AQP11: variants seen among roughly 807,000 people sequenced by gnomAD.
AQP11 encodes aquaporin 11, also known as aquaporin-11.
AQP11 carries 20 observed loss-of-function variants against 21.1 expected under a neutral mutation model. The observed-to-expected ratio is 0.95, with a 90% confidence interval of 0.67 to 1.38. AQP11 has a LOEUF of 1.38. Ranked by LOEUF, AQP11 falls within the 40% of genes most tolerant of loss-of-function variation. The pLI is 0.00. For missense variants in AQP11, 339 were observed against 340.4 expected (o/e 1.00, Z 0.03); for synonymous variants, 167 against 150.1 (o/e 1.11, Z -0.82).
chr11:77,609,217 G>A (rs1054017525), intron 2 of AQP11, 81 bp from the exon 3 acceptor site: 6 of 1,034,468 alleles, frequency 5.8e-6, no homozygotes, highest in African/African-American at 1.6e-5. Context: ...GTATATAATT[G>A]TAATTTTAAA....
At chr11:77,597,848 G>C (rs1958792646) in intron 1 of AQP11, among the ~76,000 whole-genome samples, 2 of 151,928 alleles carry the variant, frequency 1.3e-5, no homozygotes, top group Non-Finnish European at 2.9e-5. Context: ...CCGACCCCCA[G>C]GTTCAAGCGA....
chr11:77,597,287 A>AT (rs527395645), intron 1 of AQP11, among the ~76,000 whole-genome samples: 520 of 152,268 alleles, frequency 3.4e-3, no homozygotes, highest in African/African-American at 0.012. Flanking sequence ...TAATTTGAAA[A>AT]CAGGCCAGGC....
intron 2 of AQP11, among the ~76,000 whole-genome samples, chr11:77,604,609 C>A (rs1426846407): frequency 2.0e-5 from 3 of 151,970 alleles, no homozygotes; most frequent in African/African-American, 4.8e-5. Flanking sequence ...TTCTTTAAAA[C>A]ACACACACAC....
chr11:77,609,263 A>T (rs1406771540), intron 2 of AQP11, 35 bp from the exon 3 acceptor site: 2 of 1,544,938 alleles, frequency 1.3e-6, no homozygotes, highest in Non-Finnish European at 1.8e-6. Flanking sequence ...CTCCTTAAAG[A>T]TTGTTTTTTT....
At position 77,590,409 on chromosome 11, in the gene AQP11, G is replaced by A; in HGVS notation, c.417G>A (p.Trp139Ter). 6.2e-7 allele frequency: 1 copy of A among 1,614,020 alleles called. No individual in the cohort carries two copies. Among genetic ancestry groups the A allele is most frequent in the Non-Finnish European group, 8.5e-7 (1 of 1,180,018 alleles). Residue 139 changes from tryptophan (W) to a stop codon, truncating the protein, a stop_gained, in exon 1 of 3, where the codon TGG (tryptophan) becomes TGA (stop). Coordinates refer to ENST00000313578, the MANE Select transcript of AQP11 (RefSeq NM_173039.3). LOFTEE classifies it high-confidence loss of function. The part of the protein sequence containing the change: ...LCSRYCTSAL[W>*]SLGLTQYHVS... ...GCAGGTACTGCACAAGCGCCTTGTG[G>A]AGCTTGGGTCTGACCCAGTATCACG...
At chr11:77,591,546 T>G (rs568900151) in intron 1 of AQP11, among the ~76,000 whole-genome samples, 3 of 152,312 alleles carry the variant, frequency 2.0e-5, no homozygotes, top group Non-Finnish European at 4.4e-5. Flanking sequence ...TAAGGACTCC[T>G]AAACACGTAC....
intron 1 of AQP11, among the ~76,000 whole-genome samples, chr11:77,595,992 T>C (rs1590782878): frequency 6.6e-6 from 1 of 151,980 alleles, no homozygotes; most frequent in East Asian, 1.9e-4. Context: ...TCTTTTTAAA[T>C]AGGAGCTATT....
At chr11:77,604,784 T>C (rs894628018) in intron 2 of AQP11, among the ~76,000 whole-genome samples, 1 of 152,222 alleles carries the variant, frequency 6.6e-6, no homozygotes, top group African/African-American at 2.4e-5. Flanking sequence ...ATAATATCTA[T>C]AGGCCTAAAC....
chr11:77,602,331 T>C (rs1958820085), intron 1 of AQP11, among the ~76,000 whole-genome samples: 1 of 152,216 alleles, frequency 6.6e-6, no homozygotes, highest in East Asian at 1.9e-4. Flanking sequence ...ATATTGTAAA[T>C]GTCTGTGTGA....
rs1348988027 is a variant in AQP11 at position 77,610,032 on chromosome 11, T to A, written c.*655T>A. The A allele has an allele frequency of 1.3e-5, 2 of 152,174 alleles. No homozygotes were observed. Among genetic ancestry groups the A allele is most frequent in the Non-Finnish European group, 1.5e-5 (1 of 68,026 alleles). 9.4% of individuals were successfully genotyped at this position (152,174 alleles called of 1,614,324 possible). On this transcript the variant is annotated 3_prime_UTR_variant, in exon 3 of 3. Transcript: ENST00000313578. ...AGAATATAATAAAACAAAACACCCA[T>A]ACAAAGTCAGGATTTAAGCTTTTCA...
At chr11:77,606,053 A>G (rs1958844224) in intron 2 of AQP11, among the ~76,000 whole-genome samples, 1 of 138,208 alleles carries the variant, frequency 7.2e-6, no homozygotes, top group African/African-American at 2.8e-5. Flanking sequence ...AAAAAAAAAA[A>G]AAAAAAAAAA....
Position 77,608,314 on chromosome 11 carries a change from C to A in AQP11, c.737-984C>A, listed in dbSNP as rs868380480. ...TGTAATTCTCAGAAATGAAGATTAC[C>A]AATATGTGAATTTTCAAAACATTTT... On this transcript the variant is annotated intron_variant, in intron 2 of 2. Transcript: ENST00000313578. Among the ~76,000 whole-genome samples the A allele has an allele frequency of 8.5e-5, 13 of 152,180 alleles. No homozygotes were observed. The Middle Eastern group carries it at 0.014, about 159-fold the overall frequency.
Position 77,590,112 on chromosome 11 carries a change from C to G in AQP11, c.120C>G (p.His40Gln). ...LARVVARQQL[H>Q]RPVAHAFVLE... ...GCGTAGTCGCCCGGCAGCAGCTGCA[C>G]AGGCCGGTGGCCCACGCCTTCGTCC... Residue 40 changes from histidine (H) to glutamine (Q), a missense_variant, in exon 1 of 3, where the codon CAC becomes CAG. Physicochemically the swap from His to Gln is conservative, Grantham distance 24. Transcript: ENST00000313578. 2 of 1,607,910 alleles carry G rather than the reference C, an allele frequency of 1.2e-6. No homozygotes were observed. The highest frequency in any genetic ancestry group is 1.7e-6 in the Non-Finnish European group (2 of 1,179,756).
intron 1 of AQP11, among the ~76,000 whole-genome samples, chr11:77,591,697 C>T (rs1958748911): frequency 6.6e-6 from 1 of 151,938 alleles, no homozygotes; most frequent in Admixed American, 6.6e-5. Context: ...TGGTGAAACC[C>T]CGTCTCTACT....
intron 1 of AQP11, among the ~76,000 whole-genome samples, chr11:77,600,357 T>A (rs1958808622): frequency 6.6e-6 from 1 of 152,190 alleles, no homozygotes; most frequent in East Asian, 1.9e-4. Context: ...GCAGGCTTTA[T>A]TCCTGATAGC....
At chr11:77,596,757 G>A (rs1457428969) in intron 1 of AQP11, among the ~76,000 whole-genome samples, 1 of 151,190 alleles carries the variant, frequency 6.6e-6, no homozygotes, top group African/African-American at 2.4e-5. Context: ...CTACTTAAGA[G>A]GCTGAGACAG....
chr11:77,590,536 C>T lies in AQP11; in HGVS notation c.544C>T (p.Leu182=), dbSNP rs771782631. 1 of 1,614,224 alleles carries T rather than the reference C, an allele frequency of 6.2e-7. No individual in the cohort carries two copies. Among genetic ancestry groups the T allele is most frequent in the Non-Finnish European group, 8.5e-7 (1 of 1,180,046 alleles). The change falls in exon 1 of 3, where the codon CTG becomes TTG. Residue 182 remains leucine, a synonymous_variant. Coordinates refer to ENST00000313578, the MANE Select transcript of AQP11 (RefSeq NM_173039.3). The stretch of plus-strand genomic sequence containing the variant: ...CTCCTTTCTCTTCCACAGCGCTCTG[C>T]TGCACTTCCAGGAAGTCCGAACCAA... ...VCSFLFHSAL[L]HFQEVRTKLR...
chr11:77,597,778 G>A (rs1470786485), intron 1 of AQP11, among the ~76,000 whole-genome samples: 1 of 151,896 alleles, frequency 6.6e-6, no homozygotes, highest in African/African-American at 2.4e-5. Context: ...TTTTGAGATG[G>A]CGTCTCGCTC....
At chr11:77,593,405 G>A (rs1267671731) in intron 1 of AQP11, among the ~76,000 whole-genome samples, 2 of 152,222 alleles carry the variant, frequency 1.3e-5, no homozygotes, top group African/African-American at 4.8e-5. Flanking sequence ...GGAGGCCGAG[G>A]CGGGCAGATC....
Sources: allele counts gnomAD v4.1 joint callset (sites outside exome capture counted in the v4.1 genomes callset), GRCh38; gene constraint gnomAD v4.1.1; transcripts MANE v1.5; gene names NCBI Gene and HGNC (gene_info 2026-07-23, HGNC 2026-07-21).